The following SLC44A5 variants were observed in gnomAD, a reference collection of about 807,000 sequenced individuals.
SLC44A5 encodes solute carrier family 44 member 5, also known as choline transporter-like protein 5.
SLC44A5 carries 57 observed loss-of-function variants against 101.8 expected under a neutral mutation model. The ratio of observed to expected loss-of-function variants is 0.56; its 90% confidence interval spans 0.45 to 0.70. The LOEUF (loss-of-function observed/expected upper bound fraction) is 0.70. Ranked by LOEUF, SLC44A5 falls within the 30% of genes least tolerant of loss-of-function variation. SLC44A5 has a pLI of 0.00. For synonymous variants in SLC44A5, 281 were observed against 290.9 expected (o/e 0.97, Z 0.35); for missense variants, 737 against 853.1 (o/e 0.86, Z 1.70).
At position 75,236,988 on chromosome 1, in the gene SLC44A5, T is replaced by G. The variant is rs143741600; in HGVS notation, c.739A>C (p.Ile247Leu). 144 of 1,569,120 alleles carry G rather than the reference T, an allele frequency of 9.2e-5. No homozygotes were observed. The highest frequency in any genetic ancestry group is 1.2e-4 in the Non-Finnish European group (138 of 1,143,036). Residue 247 changes from isoleucine to leucine, a missense_variant and splice_region_variant, in exon 11 of 24, where the codon ATT becomes CTT. Physicochemically the swap from Ile to Leu is conservative, Grantham distance 5. Around this residue, in one of 3 missense-constraint regions of SLC44A5, gnomAD observed 665 missense variants for 764.4 expected, o/e 0.87. Coordinates refer to ENST00000370859, the MANE Select transcript of SLC44A5 (RefSeq NM_001130058.2). ...AAACATCTATGTGTTTTCACTTACATGAGAATCCAATACCAAGTTCTTGCA... is the reference window on the plus strand; with the variant it reads ...AAACATCTATGTGTTTTCACTTACAGGAGAATCCAATACCAAGTTCTTGCA... The part of the protein sequence containing the change: ...DYARTWYWIL[I>L]GLTIAMVLSW...
the SLC44A5 span, among the ~76,000 whole-genome samples, chr1:75,619,135 C>G: frequency 0.073 from 9,227 of 127,160 alleles, 376 homozygotes; most frequent in African/African-American, 0.12. Flanking sequence ...GAAGGGAGAG[C>G]GGGAAGGAGG....
rs1273397631 is a variant in SLC44A5 at position 75,202,950 on chromosome 1, A to G, written c.*777T>C. The stretch of plus-strand genomic sequence containing the variant: ...ACATTCATGAATGTCCACTAGGCGC[A>G]AGGGAAATTGTTTAGCTGCACAATG... On this transcript the variant is annotated 3_prime_UTR_variant, in exon 24 of 24. Coordinates refer to ENST00000370859, the MANE Select transcript of SLC44A5 (RefSeq NM_001130058.2). 5 of 152,212 alleles carry G rather than the reference A, an allele frequency of 3.3e-5. No individual in the cohort carries two copies. The highest frequency in any genetic ancestry group is 7.3e-5 in the Non-Finnish European group (5 of 68,028). 9.4% of individuals were successfully genotyped at this position (152,212 alleles called of 1,614,324 possible).
At chr1:75,587,182 A>G (rs1470382375) in intron 1 of SLC44A5, among the ~76,000 whole-genome samples, 4 of 152,160 alleles carry the variant, frequency 2.6e-5, no homozygotes, top group Non-Finnish European at 4.4e-5. Context: ...CTAAAATGTC[A>G]AAGGTGTCTA....
At chr1:75,400,130 C>A (rs1343519) in intron 2 of SLC44A5, among the ~76,000 whole-genome samples, 53,602 of 151,964 alleles carry the variant, frequency 0.35, 10,572 homozygotes, top group East Asian at 0.84. Flanking sequence ...GGAGCTAAAC[C>A]AAGGGAATAT....
chr1:75,264,128 TA>T (rs60140695), intron 6 of SLC44A5, among the ~76,000 whole-genome samples: 9,743 of 141,556 alleles, frequency 0.069, 1,064 homozygotes, highest in African/African-American at 0.23. Flanking sequence ...TTAAAGTATT[TA>T]AAAAAAAAAA....
At chr1:75,481,647 T>TG (rs1178214849) in intron 2 of SLC44A5, among the ~76,000 whole-genome samples, 1 of 151,638 alleles carries the variant, frequency 6.6e-6, no homozygotes, top group African/African-American at 2.4e-5. Context: ...AACAGACACA[T>TG]GAAAAAATGC....
At position 75,222,376 on chromosome 1, in the gene SLC44A5, A is replaced by G; in HGVS notation, c.1070T>C (p.Leu357Pro). ...AGGGCCTTACTTGCTTCCTTCCTTC[A>G]GCAGGATAATGGCGACTCGGATTCG... ...RNRIRVAIIL[L>P]KEGSKAIGYV... Residue 357 changes from leucine (L) to proline (P), a missense_variant, in exon 14 of 24, where the codon CTG becomes CCG. Transcript: ENST00000370859. 6.2e-7 allele frequency: 1 copy of G among 1,613,486 alleles called. No individual in the cohort carries two copies. The highest frequency in any genetic ancestry group is 8.5e-7 in the Non-Finnish European group (1 of 1,179,552).
At chr1:75,493,216 A>T (rs988914884) in intron 2 of SLC44A5, among the ~76,000 whole-genome samples, 1 of 152,154 alleles carries the variant, frequency 6.6e-6, no homozygotes, top group Non-Finnish European at 1.5e-5. Flanking sequence ...CAGATTTCTG[A>T]CCCCTGAAAC....
the SLC44A5 span, among the ~76,000 whole-genome samples, chr1:75,624,755 T>A: frequency 1.3e-5 from 2 of 152,140 alleles, no homozygotes; most frequent in Non-Finnish European, 2.9e-5. Flanking sequence ...AGCAATATCT[T>A]CTCTCTGAAC....
chr1:75,503,207 T>C (rs1010657330), intron 2 of SLC44A5, among the ~76,000 whole-genome samples: 2 of 152,272 alleles, frequency 1.3e-5, no homozygotes, highest in East Asian at 3.9e-4. Flanking sequence ...TCCTGGATAG[T>C]GTTAATACAT....
chr1:75,652,170 G>A, the SLC44A5 span, among the ~76,000 whole-genome samples: 227 of 152,280 alleles, frequency 1.5e-3, no homozygotes, highest in African/African-American at 5.3e-3. Flanking sequence ...CCTCCCAAGT[G>A]CTGGCAGGCC....
At chr1:75,680,236 T>C in the SLC44A5 span, among the ~76,000 whole-genome samples, 1 of 151,570 alleles carries the variant, frequency 6.6e-6, no homozygotes, top group Admixed American at 6.6e-5. Context: ...ACCCAGGAAT[T>C]GAACTCAGCT....
intron 12 of SLC44A5, among the ~76,000 whole-genome samples, chr1:75,228,096 G>A (rs920594789): frequency 6.6e-6 from 1 of 152,120 alleles, no homozygotes; most frequent in African/African-American, 2.4e-5. Context: ...GGCTTTAAAT[G>A]TCCTTTTGAC....
chr1:75,520,200 A>G (rs1319813381), intron 2 of SLC44A5, among the ~76,000 whole-genome samples: 1 of 152,096 alleles, frequency 6.6e-6, no homozygotes, highest in Admixed American at 6.5e-5. Context: ...ATGATGAAAC[A>G]CTCTTGAAAT....
the SLC44A5 span, among the ~76,000 whole-genome samples, chr1:75,648,368 A>G: frequency 6.6e-6 from 1 of 152,188 alleles, no homozygotes; most frequent in Non-Finnish European, 1.5e-5. Flanking sequence ...TCTTAATAGC[A>G]GCATGAGAAT....
the SLC44A5 span, among the ~76,000 whole-genome samples, chr1:75,703,592 C>G: frequency 1.3e-5 from 2 of 151,720 alleles, no homozygotes; most frequent in Non-Finnish European, 2.9e-5. Context: ...AGCACACCAA[C>G]ATGTCACATG....
chr1:75,664,167 C>A, the SLC44A5 span, among the ~76,000 whole-genome samples: 2 of 152,022 alleles, frequency 1.3e-5, no homozygotes, highest in African/African-American at 4.8e-5. Flanking sequence ...TCAGTAAGAG[C>A]CACCTATGAC....
chr1:75,622,118 C>A, the SLC44A5 span, among the ~76,000 whole-genome samples: 1 of 152,038 alleles, frequency 6.6e-6, no homozygotes, highest in Non-Finnish European at 1.5e-5. Context: ...CATTGATGAT[C>A]CTTAACTCAG....
chr1:75,556,339 G>A (rs953088894), intron 1 of SLC44A5, among the ~76,000 whole-genome samples: 1 of 152,062 alleles, frequency 6.6e-6, no homozygotes, highest in East Asian at 1.9e-4. Context: ...TAAAAACACT[G>A]AAAACAATCT....
Sources: allele counts gnomAD v4.1 joint callset (sites outside exome capture counted in the v4.1 genomes callset), GRCh38; gene constraint gnomAD v4.1.1; regional missense constraint gnomAD v4.1.1; transcripts MANE v1.5; gene names NCBI Gene and HGNC (gene_info 2026-07-23, HGNC 2026-07-21).